MYO1A: variants seen among roughly 807,000 people sequenced by gnomAD.
MYO1A encodes myosin IA, also known as unconventional myosin-Ia.
Under a neutral mutation model 138.5 loss-of-function variants are expected in MYO1A, and 127 were observed. That is an observed-to-expected ratio of 0.92 (90% confidence interval 0.79 to 1.06). The LOEUF (loss-of-function observed/expected upper bound fraction) is 1.06. Among genes scored for constraint, MYO1A ranks in the 50% least tolerant of loss-of-function variants. The pLI, the probability that MYO1A is intolerant of heterozygous loss-of-function variation, is 0.00. For synonymous variants in MYO1A, 477 were observed against 497.5 expected (o/e 0.96, Z 0.55); for missense variants, 1,211 against 1,288.8 (o/e 0.94, Z 0.92).
rs2030544892 is a variant in MYO1A at position 57,036,370 on chromosome 12, A to G, written c.2286T>C (p.Asn762=). ...AFVRGWKARK[N]YRKYFRSEAA... ...CCTCTGACCGGAAATATTTGCGATA[A>G]TTCTTTCGGGCCTGGCAGAAAAGTA... The change falls in exon 22 of 28, where the codon AAT becomes AAC. Residue 762 remains asparagine, a synonymous_variant. Coordinates refer to ENST00000300119, the MANE Select transcript of MYO1A (RefSeq NM_005379.4). 1 of 1,613,900 alleles carries G rather than the reference A, an allele frequency of 6.2e-7. No individual in the cohort carries two copies. Among genetic ancestry groups the G allele is most frequent in the Non-Finnish European group, 8.5e-7 (1 of 1,179,830 alleles).
chr12:57,038,334 T>A (rs566828791), intron 17 of MYO1A, 78 bp downstream of exon 17: 2 of 1,482,692 alleles, frequency 1.3e-6, no homozygotes, highest in East Asian at 4.6e-5. Context: ...CACCCCCACA[T>A]GGACGTGTTC....
At chr12:57,043,450 T>A in intron 10 of MYO1A, 92 bp from the exon 11 acceptor site, 1 of 1,212,594 alleles carries the variant, frequency 8.2e-7, no homozygotes, top group Non-Finnish European at 1.2e-6. Context: ...CCTGAGACAC[T>A]GGTGTCCTGG....
intron 18 of MYO1A, 77 bp downstream of exon 18, chr12:57,037,792 C>T: frequency 6.5e-7 from 1 of 1,535,326 alleles, no homozygotes; most frequent in Non-Finnish European, 9.0e-7. Flanking sequence ...ATGTGCACTG[C>T]ACCTCCAGGT....
chr12:57,037,079 C>T lies in MYO1A; in HGVS notation c.2068G>A (p.Glu690Lys), dbSNP rs1443537148. 3.7e-6 allele frequency: 6 copies of T among 1,614,046 alleles called. No individual in the cohort carries two copies. The highest frequency in any genetic ancestry group is 2.7e-5 in the African/African-American group (2 of 74,998). Residue 690 changes from glutamate (E) to lysine (K), a missense_variant, in exon 20 of 28, where the codon GAA becomes AAA. Transcript: ENST00000300119. Reference sequence around the variant, plus strand: ...TGGAGTCTCAGGCGCCTCTGTTCTTCGAGGTAGAAAAGCTGTGGAGAGGTG... The same window carrying T: ...TGGAGTCTCAGGCGCCTCTGTTCTTTGAGGTAGAAAAGCTGTGGAGAGGTG... ...IRSPKTLFYLEEQRRLRLQQL... is the reference protein window; with the variant it reads ...IRSPKTLFYLKEQRRLRLQQL...
At chr12:57,042,290 C>T (rs2030893417) in intron 12 of MYO1A, among the ~76,000 whole-genome samples, 1 of 152,194 alleles carries the variant, frequency 6.6e-6, no homozygotes, top group African/African-American at 2.4e-5. Context: ...TTTCCAGGCT[C>T]ATCAATCTTG....
Position 57,044,134 on chromosome 12 carries a change from T to C in MYO1A, c.716A>G (p.Asp239Gly), listed in dbSNP as rs1387521267. 6.2e-7 allele frequency: 1 copy of C among 1,614,030 alleles called. No homozygotes were observed. The highest frequency in any genetic ancestry group is 1.3e-5 in the African/African-American group (1 of 74,918). The change falls in exon 9 of 28, where the codon GAC (aspartate) becomes GGC (glycine). Residue 239 changes from aspartate to glycine, a missense_variant. Coordinates refer to ENST00000300119, the MANE Select transcript of MYO1A (RefSeq NM_005379.4). ...TACAGCCCTGAAGCTGGAGGCGTCG[T>C]CCATGCCATCCACTCTGGATACTTC... ...NHEVSRVDGM[D>G]DASSFRAVQS...
Position 57,028,723 on chromosome 12 carries a change from A to C in MYO1A, c.*32T>G. Reference sequence around the variant, plus strand: ...GGGGATTAGTGCTGGTTCAGGAGGAAGCAACTGCCATCTCTGCATGGTGCC... The same window carrying C: ...GGGGATTAGTGCTGGTTCAGGAGGACGCAACTGCCATCTCTGCATGGTGCC... On this transcript the variant is annotated 3_prime_UTR_variant, in exon 28 of 28. Coordinates refer to ENST00000300119, the MANE Select transcript of MYO1A (RefSeq NM_005379.4). The C allele has an allele frequency of 6.2e-7, 1 of 1,613,058 alleles. No homozygotes were observed. The highest frequency in any genetic ancestry group is 2.2e-5 in the East Asian group (1 of 44,874).
upstream of MYO1A, chr12:57,051,087 ACCATCCTCTCTC>A (rs1565650230): frequency 6.6e-6 from 1 of 152,258 alleles, no homozygotes; most frequent in Non-Finnish European, 1.5e-5. Context: ...CCCTCTGCCT[ACCATCCTCTCTC>A]CCAGGCATGC....
At chr12:57,040,283 G>T (rs1003971532) in intron 14 of MYO1A, among the ~76,000 whole-genome samples, 2 of 152,142 alleles carry the variant, frequency 1.3e-5, no homozygotes, top group Non-Finnish European at 2.9e-5. Flanking sequence ...ATCTCGTTAC[G>T]TGATGACAAT....
In MYO1A at chr12:57,031,096, A is replaced by AG; in HGVS notation, c.2427dup (p.Tyr810LeufsTer43). On this transcript the variant is annotated frameshift_variant, in exon 23 of 28. Transcript: ENST00000300119. LOFTEE classifies it high-confidence loss of function. ...TGATTTGCTGTGCTGAGGCACTTGT[A>AG]GGGGGCGGCTGGCCATGTCTTGTCT... 6.2e-7 allele frequency: 1 copy of AG among 1,614,162 alleles called. No homozygotes were observed. Among genetic ancestry groups the AG allele is most frequent in the Non-Finnish European group, 8.5e-7 (1 of 1,180,026 alleles).
chr12:57,036,441 G>T, intron 21 of MYO1A, 60 bp from the exon 22 acceptor site: 1 of 1,542,028 alleles, frequency 6.5e-7, no homozygotes, highest in Non-Finnish European at 9.0e-7. Flanking sequence ...AGAAGAGGTT[G>T]TACTATTTTT....
chr12:57,033,955 T>C (rs764576360), intron 22 of MYO1A, among the ~76,000 whole-genome samples: 2 of 152,256 alleles, frequency 1.3e-5, no homozygotes, highest in Non-Finnish European at 2.9e-5. Flanking sequence ...CCCCAGTCCC[T>C]AGTCTGATTT....
chr12:57,036,973 A>C lies in MYO1A; in HGVS notation c.2174T>G (p.Ile725Ser). The C allele has an allele frequency of 6.2e-7, 1 of 1,614,188 alleles. No individual in the cohort carries two copies. The highest frequency in any genetic ancestry group is 8.5e-7 in the Non-Finnish European group (1 of 1,180,038). Residue 725 changes from isoleucine (I) to serine (S), a missense_variant, in exon 20 of 28, where the codon ATC (isoleucine) becomes AGC (serine). Ile to Ser is a moderately radical substitution (Grantham distance 142). Coordinates refer to ENST00000300119, the MANE Select transcript of MYO1A (RefSeq NM_005379.4). ...THYQLMRKSQ[I>S]LISSWFRGNM... ...TCCCCGAAACCAAGAGGAGATGAGG[A>C]TCTGACTCTTTCGCATCAGTTGGTA...
In MYO1A at chr12:57,043,151, T is replaced by C. The variant is rs756497554; in HGVS notation, c.1019A>G (p.Tyr340Cys). 69 of 1,614,050 alleles carry C rather than the reference T, an allele frequency of 4.3e-5. No individual in the cohort carries two copies. The highest frequency in any genetic ancestry group is 5.4e-5 in the Non-Finnish European group (64 of 1,180,036). ...VTALNVMQAQ[Y>C]ARDALAKNIY... ...GTTCTTAGCCAGGGCGTCCCGAGCA[T>C]ACTGAGCCTGTGGGTGAGGCACAGC... The change falls in exon 12 of 28, where the codon TAT becomes TGT. Residue 340 changes from tyrosine (Y) to cysteine (C), a missense_variant. Tyr to Cys is a radical substitution (Grantham distance 194). Coordinates refer to ENST00000300119, the MANE Select transcript of MYO1A (RefSeq NM_005379.4).
At chr12:57,038,659 G>T in intron 16 of MYO1A, 21 bp from the exon 17 acceptor site, 2 of 1,613,268 alleles carry the variant, frequency 1.2e-6, no homozygotes, top group South Asian at 2.2e-5. Context: ...GCAGCTATTG[G>T]TTTGGAGACC....
chr12:57,031,275 C>A, intron 22 of MYO1A, 101 bp from the exon 23 acceptor site: 1 of 1,447,882 alleles, frequency 6.9e-7, no homozygotes, highest in Non-Finnish European at 9.7e-7. Context: ...GGAAGTTAAC[C>A]CACAGTGAGA....
chr12:57,039,503 G>A, intron 14 of MYO1A: 1 of 557,768 alleles, frequency 1.8e-6, no homozygotes, highest in East Asian at 3.3e-5. Context: ...TGTGAGAGAG[G>A]GTGAGACAAT....
chr12:57,028,944 A>G, intron 27 of MYO1A, 63 bp from the exon 28 acceptor site: 2 of 1,600,952 alleles, frequency 1.2e-6, no homozygotes, highest in Admixed American at 3.4e-5. Context: ...CCGCATTTCC[A>G]TGATGGCCCC....
intron 12 of MYO1A, among the ~76,000 whole-genome samples, chr12:57,042,152 C>T (rs980796642): frequency 6.6e-6 from 1 of 152,192 alleles, no homozygotes; most frequent in Non-Finnish European, 1.5e-5. Flanking sequence ...ACCCCTCTCC[C>T]CCCAGCCCTT....
Sources: allele counts gnomAD v4.1 joint callset (sites outside exome capture counted in the v4.1 genomes callset), GRCh38; gene constraint gnomAD v4.1.1; transcripts MANE v1.5; gene names NCBI Gene and HGNC (gene_info 2026-07-23, HGNC 2026-07-21).